The following CACNB1 variants were observed in gnomAD, a reference collection of about 807,000 sequenced individuals.
The protein encoded by CACNB1 is calcium voltage-gated channel auxiliary subunit beta 1, also known as voltage-dependent L-type calcium channel subunit beta-1.
In CACNB1, 29 loss-of-function variants were observed where a neutral mutation model predicts 71.6. That is an observed-to-expected ratio of 0.40 (90% CI 0.30 to 0.55). The LOEUF (loss-of-function observed/expected upper bound fraction) is 0.55. CACNB1 is among the 20% of genes least tolerant of loss of function. CACNB1 has a pLI of 0.38. For synonymous variants in CACNB1, 300 were observed against 319.6 expected (o/e 0.94, Z 0.65); for missense variants, 623 against 801.8 (o/e 0.78, Z 2.69).
intron 11 of CACNB1, among the ~76,000 whole-genome samples, chr17:39,178,663 G>A (rs892778590): frequency 6.6e-6 from 1 of 151,990 alleles, no homozygotes; most frequent in Non-Finnish European, 1.5e-5. Context: ...GATTATAGGC[G>A]TGAGTCACTG....
chr17:39,181,837 G>T (rs765667670), intron 11 of CACNB1, among the ~76,000 whole-genome samples: 22 of 152,072 alleles, frequency 1.4e-4, no homozygotes, highest in Non-Finnish European at 2.8e-4. Flanking sequence ...GGCCAACATG[G>T]TGAAAACCTG....
At chr17:39,188,508 G>C (rs1309913933) in intron 3 of CACNB1, among the ~76,000 whole-genome samples, 1 of 151,772 alleles carries the variant, frequency 6.6e-6, no homozygotes, top group Non-Finnish European at 1.5e-5. Flanking sequence ...CAGGGCAGCA[G>C]AGTTGCAGTG....
In CACNB1 at chr17:39,175,279, G is replaced by C; in HGVS notation, c.1711C>G (p.Arg571Gly). 2 of 1,614,132 alleles carry C rather than the reference G, an allele frequency of 1.2e-6. No homozygotes were observed. The highest frequency in any genetic ancestry group is 3.3e-4 in the Middle Eastern group (2 of 6,062). The stretch of plus-strand genomic sequence containing the variant: ...GGACCCCCACCCTCAGCGCAGTAGC[G>C]GGCCTTATTCCGGCCCCGGTTCCGG... ...DNRNRGRNKA[R>G]YCAEGGGPVL... Residue 571 changes from arginine (R) to glycine (G), a missense_variant, in exon 14 of 14, where the codon CGC becomes GGC. Coordinates refer to ENST00000394303, the MANE Select transcript of CACNB1 (RefSeq NM_000723.5). The surrounding 1 kb of genome is among the most constrained non-coding windows in gnomAD (Gnocchi z 4.7).
At chr17:39,189,032 A>G (rs2144152980) in intron 3 of CACNB1, among the ~76,000 whole-genome samples, 1 of 151,640 alleles carries the variant, frequency 6.6e-6, no homozygotes. Flanking sequence ...AACAAGAGCG[A>G]AACTCCGTCT....
chr17:39,178,390 T>G lies in CACNB1; in HGVS notation c.1051-311A>C, dbSNP rs534438297. ...GCCCACTCTCCTTTTTTTTTGTTTTTTTTTTTTTAAATTTTAGAGACTGGT... is the reference window on the plus strand; with the variant it reads ...GCCCACTCTCCTTTTTTTTTGTTTTGTTTTTTTTAAATTTTAGAGACTGGT... On this transcript the variant is annotated intron_variant, in intron 11 of 13. Transcript: ENST00000394303. The G allele has an allele frequency of 6.7e-4, 144 of 216,350 alleles. 1 individual carries two copies. Among genetic ancestry groups the G allele is most frequent in the African/African-American group, 2.8e-3 (119 of 42,632 alleles). The allele number at this position is 216,350 out of a possible 1,614,324, so 13.4% of individuals were successfully genotyped here.
chr17:39,186,667 C>T lies in CACNB1; in HGVS notation c.552-95G>A, dbSNP rs1289462944. On this transcript the variant is annotated intron_variant, in intron 5 of 13. Coordinates refer to ENST00000394303, the MANE Select transcript of CACNB1 (RefSeq NM_000723.5). This position sits in a 1 kb window ranked among gnomAD's most constrained non-coding sequence, Gnocchi z 4.1. ...TGCGGCACCCCCGGAGGTGCTCCAG[C>T]CCCACTGGTGATGCCACAGGCAGCT... 6.6e-6 allele frequency: 10 copies of T among 1,512,708 alleles called. No individual in the cohort carries two copies. Among genetic ancestry groups the T allele is most frequent in the Non-Finnish European group, 9.1e-6 (10 of 1,097,504 alleles). The allele number at this position is 1,512,708 out of a possible 1,614,324, so 93.7% of individuals were successfully genotyped here.
rs901991178 is a variant in CACNB1 at position 39,191,570 on chromosome 17, G to A, written c.195C>T (p.Ser65=). 6.2e-7 allele frequency: 1 copy of A among 1,610,074 alleles called. No individual in the cohort carries two copies. Among genetic ancestry groups the A allele is most frequent in the African/African-American group, 1.3e-5 (1 of 74,696 alleles). The change falls in exon 3 of 14, where the codon AGC becomes AGT. Residue 65 remains serine, a synonymous_variant. Transcript: ENST00000394303. ...GAGATACATCAGAGTCTGATGGACGGCTGGTGTAGGACTCCGCTGAGCCCT... is the reference window on the plus strand; with the variant it reads ...GAGATACATCAGAGTCTGATGGACGACTGGTGTAGGACTCCGCTGAGCCCT... The part of the protein sequence containing the change: ...VRQGSAESYT[S]RPSDSDVSLE...
chr17:39,185,829 G>T (rs535409664), intron 6 of CACNB1: 1 of 1,081,260 alleles, frequency 9.2e-7, no homozygotes, highest in African/African-American at 1.6e-5. Flanking sequence ...CACCTCAGCA[G>T]GAAGCCCTGA....
rs1362671913 is a variant in CACNB1, at chr17:39,197,519, G to GCCGGC, written c.-29_-25dup. The GCCGGC allele has an allele frequency of 5.4e-6, 8 of 1,475,014 alleles. No homozygotes were observed. Among genetic ancestry groups the GCCGGC allele is most frequent in the South Asian group, 2.6e-5 (2 of 76,350 alleles). The allele number at this position is 1,475,014 out of a possible 1,614,324, so 91.4% of individuals were successfully genotyped here. On this transcript the variant is annotated 5_prime_UTR_variant, in exon 1 of 14. Coordinates refer to ENST00000394303, the MANE Select transcript of CACNB1 (RefSeq NM_000723.5). The stretch of plus-strand genomic sequence containing the variant: ...ATGGAGAGGAGCCTCCCCTCCCGCC[G>GCCGGC]CCGGCCCGGCCCAGCCGGGCTCCCT...
Position 39,184,401 on chromosome 17 carries a change from T to A in CACNB1, c.730-18A>T. On this transcript the variant is annotated intron_variant, in intron 8 of 13. Transcript: ENST00000394303. ...TCTGTAACCTGGGGGTGGGGGTTTG[T>A]GGGGAGGGAGGGAGGAGAAGGCAGG... 1 of 509,390 alleles carries A rather than the reference T, an allele frequency of 2.0e-6. No homozygotes were observed. The highest frequency in any genetic ancestry group is 3.8e-6 in the Non-Finnish European group (1 of 264,724). 31.6% of individuals were successfully genotyped at this position (509,390 alleles called of 1,614,324 possible). A position where few individuals can be genotyped will look rare whatever the true frequency, so the allele number is the denominator to read the frequency against.
In CACNB1 at chr17:39,175,727, CAA is replaced by C; in HGVS notation, c.1333-72_1333-71del. ...GTGAGAAAAACACAACAAAGCAAGG[CAA>C]GTTAGTGACAGCATTAAGAGGTCCG... On this transcript the variant is annotated intron_variant, in intron 13 of 13. Coordinates refer to ENST00000394303, the MANE Select transcript of CACNB1 (RefSeq NM_000723.5). This position sits in a 1 kb window ranked among gnomAD's most constrained non-coding sequence, Gnocchi z 4.7. 1 of 1,256,614 alleles carries C rather than the reference CAA, an allele frequency of 8.0e-7. No individual in the cohort carries two copies. Among genetic ancestry groups the C allele is most frequent in the Non-Finnish European group, 1.1e-6 (1 of 904,664 alleles). 77.8% of individuals were successfully genotyped at this position (1,256,614 alleles called of 1,614,324 possible).
At position 39,187,364 on chromosome 17, in the gene CACNB1, A is replaced by G. The variant is rs2045967069; in HGVS notation, c.414+115T>C. On this transcript the variant is annotated intron_variant, in intron 4 of 13. Transcript: ENST00000394303. ...TCAGAGAGGTGGAGAGATTTGTCTA[A>G]GGTCACACAGCAGATTCAGCCTGGC... 12 of 1,195,092 alleles carry G rather than the reference A, an allele frequency of 1.0e-5. No homozygotes were observed. In the South Asian group the frequency reaches 1.1e-4, roughly 11 times the overall value. The allele number at this position is 1,195,092 out of a possible 1,614,324, so 74.0% of individuals were successfully genotyped here.
In CACNB1 at chr17:39,194,651, G is replaced by C. The variant is rs995055940; in HGVS notation, c.171+233C>G. On this transcript the variant is annotated intron_variant, in intron 2 of 13. Transcript: ENST00000394303. This position sits in a 1 kb window ranked among gnomAD's most constrained non-coding sequence, Gnocchi z 4.6. ...GATGACGCAGGCCAGCAGGCAGCAG[G>C]GGAGGGTGCCTGGTGCTGGGGGAGG... Among the ~76,000 whole-genome samples the C allele has an allele frequency of 1.3e-4, 20 of 152,216 alleles. No homozygotes were observed. Among genetic ancestry groups the C allele is most frequent in the African/African-American group, 4.6e-4 (19 of 41,522 alleles).
chr17:39,177,842 G>A (rs2045626842), intron 12 of CACNB1, 142 bp downstream of exon 12: 10 of 708,086 alleles, frequency 1.4e-5, no homozygotes, highest in Non-Finnish European at 2.2e-5. Context: ...GACGGGACCT[G>A]CGCTCTTCCC....
chr17:39,193,754 G>T (rs1032470828), intron 2 of CACNB1: 1 of 215,058 alleles, frequency 4.6e-6, no homozygotes, highest in Non-Finnish European at 9.6e-6. Context: ...TGCCAAGAGG[G>T]GCAATAAAAG....
chr17:39,187,071 G>C (rs2045959466), intron 4 of CACNB1, 142 bp from the exon 5 acceptor site: 4 of 828,358 alleles, frequency 4.8e-6, no homozygotes, highest in Non-Finnish European at 7.5e-6. Context: ...CCTGGCTCCA[G>C]CCTCTGAGTG....
Position 39,186,477 on chromosome 17 carries a change from G to C in CACNB1, c.628+19C>G, listed in dbSNP as rs779847519. On this transcript the variant is annotated intron_variant, in intron 6 of 13. Coordinates refer to ENST00000394303, the MANE Select transcript of CACNB1 (RefSeq NM_000723.5). The surrounding 1 kb of genome is among the most constrained non-coding windows in gnomAD (Gnocchi z 4.1). ...CCCAGGAGCTTCTTCCCAAACCCCTGCATGGCGATGGCTCTTACCACTGGC... is the reference window on the plus strand; with the variant it reads ...CCCAGGAGCTTCTTCCCAAACCCCTCCATGGCGATGGCTCTTACCACTGGC... 7 of 1,601,172 alleles carry C rather than the reference G, an allele frequency of 4.4e-6. No individual in the cohort carries two copies. Among genetic ancestry groups the C allele is most frequent in the Non-Finnish European group, 4.3e-6 (5 of 1,170,564 alleles).
chr17:39,184,959 C>T, intron 7 of CACNB1, 95 bp from the exon 8 acceptor site: 1 of 1,054,186 alleles, frequency 9.5e-7, no homozygotes, highest in East Asian at 2.4e-5. Context: ...CCTTCCCCCA[C>T]CCTGGTCCCA....
intron 8 of CACNB1, 144 bp from the exon 9 acceptor site, chr17:39,184,527 G>C: frequency 1.5e-6 from 1 of 652,514 alleles, no homozygotes; most frequent in Non-Finnish European, 2.8e-6. Flanking sequence ...CTGAGTCTGA[G>C]GGGCCTCCAC....
Sources: allele counts gnomAD v4.1 joint callset (sites outside exome capture counted in the v4.1 genomes callset), GRCh38; gene constraint gnomAD v4.1.1; non-coding constraint Gnocchi (gnomAD v3.1); transcripts MANE v1.5; gene names NCBI Gene and HGNC (gene_info 2026-07-23, HGNC 2026-07-21).